The following NEO1 variants were observed in gnomAD, a reference collection of about 807,000 sequenced individuals.
The protein encoded by NEO1 is neogenin.
NEO1 carries 63 observed loss-of-function variants against 159.7 expected under a neutral mutation model. The observed-to-expected ratio is 0.39, with a 90% CI of 0.32 to 0.49. The LOEUF (loss-of-function observed/expected upper bound fraction) is 0.49, where lower values mean the gene tolerates loss of function less well. NEO1 is among the 20% of genes least tolerant of loss of function. The pLI, the probability that NEO1 is intolerant of heterozygous loss-of-function variation, is 0.85. For synonymous variants in NEO1, 633 were observed against 662.0 expected, an observed-to-expected ratio of 0.96 and a Z score of 0.67; for missense variants, 1,615 against 1,831.0, an observed-to-expected ratio of 0.88 and a Z score of 2.15.
intron 1 of NEO1, among the ~76,000 whole-genome samples, chr15:73,064,659 A>G (rs2068125114): frequency 6.6e-6 from 1 of 151,794 alleles, no homozygotes; most frequent in Non-Finnish European, 1.5e-5. Context: ...TAGAAACAAG[A>G]TCTTACTATA....
intron 9 of NEO1, among the ~76,000 whole-genome samples, chr15:73,245,150 A>G (rs1425941784): frequency 6.6e-6 from 1 of 151,980 alleles, no homozygotes; most frequent in Admixed American, 6.6e-5. Context: ...TCCTTCAGTT[A>G]TGATTATGAA....
At chr15:73,205,610 T>G (rs1317063060) in intron 7 of NEO1, among the ~76,000 whole-genome samples, 1 of 152,128 alleles carries the variant, frequency 6.6e-6, no homozygotes, top group Non-Finnish European at 1.5e-5. Flanking sequence ...ACTCAACCTC[T>G]AGCAATTTGT....
At chr15:73,084,391 A>G (rs2069238480) in intron 1 of NEO1, among the ~76,000 whole-genome samples, 1 of 152,228 alleles carries the variant, frequency 6.6e-6, no homozygotes, top group Non-Finnish European at 1.5e-5. Flanking sequence ...TTTAAGTGAC[A>G]TCATGCAGTA....
chr15:73,252,208 A>G (rs1445279777), intron 11 of NEO1, among the ~76,000 whole-genome samples: 2 of 152,236 alleles, frequency 1.3e-5, no homozygotes, highest in Non-Finnish European at 2.9e-5. Flanking sequence ...CCTGGTCACC[A>G]AATGTTAGAG....
chr15:73,107,276 A>G (rs1408350066), intron 1 of NEO1, among the ~76,000 whole-genome samples: 2 of 152,346 alleles, frequency 1.3e-5, no homozygotes, highest in East Asian at 3.9e-4. Context: ...TGTAGCAGTA[A>G]GGTAAAACAG....
chr15:73,270,588 C>T, intron 18 of NEO1, 134 bp downstream of exon 18: 2 of 993,788 alleles, frequency 2.0e-6, no homozygotes, highest in Non-Finnish European at 2.9e-6. Context: ...TTTCAGCTGA[C>T]AAGTTGTGTG....
chr15:73,111,872 C>T (rs910747320), intron 1 of NEO1, among the ~76,000 whole-genome samples: 15 of 152,050 alleles, frequency 9.9e-5, no homozygotes, highest in African/African-American at 3.6e-4. Flanking sequence ...TGGGCTCAAG[C>T]AATCCGCCTG....
intron 4 of NEO1, among the ~76,000 whole-genome samples, chr15:73,128,886 A>T (rs774295299): frequency 6.6e-5 from 10 of 152,214 alleles, no homozygotes; most frequent in Non-Finnish European, 1.5e-4. Context: ...ACTAAATCAA[A>T]TGTGAATATA....
At chr15:73,201,118 A>C (rs896627657) in intron 7 of NEO1, among the ~76,000 whole-genome samples, 3 of 151,892 alleles carry the variant, frequency 2.0e-5, no homozygotes, top group Non-Finnish European at 2.9e-5. Flanking sequence ...ATCTTTATAA[A>C]TAACTAACTT....
At chr15:73,161,948 G>T in intron 5 of NEO1, 1 of 203,454 alleles carries the variant, frequency 4.9e-6, no homozygotes, top group Non-Finnish European at 1.0e-5. Flanking sequence ...TTCTCTTGGT[G>T]TTTTAGGAAG....
intron 26 of NEO1, among the ~76,000 whole-genome samples, chr15:73,296,412 C>G (rs540812059): frequency 1.3e-5 from 2 of 152,128 alleles, no homozygotes; most frequent in Admixed American, 6.5e-5. Flanking sequence ...TCAGCACACC[C>G]CTTTAAGGGG....
At chr15:73,172,480 T>C (rs1443546792) in intron 5 of NEO1, among the ~76,000 whole-genome samples, 2 of 152,190 alleles carry the variant, frequency 1.3e-5, no homozygotes, top group Non-Finnish European at 2.9e-5. Flanking sequence ...AAGATCTTAG[T>C]GTACTTAGGA....
chr15:73,147,404 T>G (rs2032992430), intron 5 of NEO1, among the ~76,000 whole-genome samples: 1 of 152,212 alleles, frequency 6.6e-6, no homozygotes. Context: ...CCACCAGCCA[T>G]CCATCAGATG....
intron 5 of NEO1, among the ~76,000 whole-genome samples, chr15:73,137,007 A>G (rs1243843755): frequency 1.3e-5 from 2 of 152,128 alleles, no homozygotes; most frequent in African/African-American, 2.4e-5. Flanking sequence ...AGTAAATCAT[A>G]GTGGTTCTGA....
intron 16 of NEO1, among the ~76,000 whole-genome samples, chr15:73,268,945 G>A (rs958609632): frequency 5.3e-5 from 8 of 152,170 alleles, no homozygotes; most frequent in Non-Finnish European, 7.3e-5. Flanking sequence ...TGGCATTTCC[G>A]TTAACTGATG....
intron 7 of NEO1, among the ~76,000 whole-genome samples, chr15:73,190,595 A>G (rs1464277102): frequency 6.6e-6 from 1 of 152,178 alleles, no homozygotes; most frequent in African/African-American, 2.4e-5. Flanking sequence ...CATGATTAAA[A>G]GTTGGCTAGA....
At chr15:73,164,954 G>T (rs1299994468) in intron 5 of NEO1, among the ~76,000 whole-genome samples, 1 of 152,080 alleles carries the variant, frequency 6.6e-6, no homozygotes, top group Non-Finnish European at 1.5e-5. Context: ...TAGAGATGGG[G>T]GTCTTGCTAA....
rs768352272 is a variant in NEO1, at chr15:73,236,282, A to G, written c.1292-65A>G. 43 of 1,613,030 alleles carry G rather than the reference A, an allele frequency of 2.7e-5. 1 individual carries two copies. The Middle Eastern group carries it at 4.9e-4, about 18-fold the overall frequency. On this transcript the variant is annotated intron_variant, in intron 7 of 28. Coordinates refer to ENST00000261908, the MANE Select transcript of NEO1 (RefSeq NM_002499.4). ...TCATATTCCCCAATGTTTGCACATG[A>G]CAAGATGTTGCCATCCCAACATTAC...
intron 8 of NEO1, among the ~76,000 whole-genome samples, chr15:73,239,889 G>T (rs1246795796): frequency 2.6e-5 from 4 of 152,120 alleles, no homozygotes; most frequent in Middle Eastern, 3.2e-3. Flanking sequence ...GTATGTAAAT[G>T]CCTAAAGCAG....
Sources: gnomAD v4.1 joint callset for allele counts (sites outside exome capture counted in the v4.1 genomes callset) on GRCh38, gnomAD v4.1.1 for gene constraint, MANE v1.5 for transcripts, NCBI Gene and HGNC (gene_info 2026-07-23, HGNC 2026-07-21) for gene names.